The following GRIK2 variants were observed in gnomAD, a reference collection of about 807,000 sequenced individuals.
GRIK2 encodes the protein glutamate ionotropic receptor kainate type subunit 2, also known as glutamate receptor ionotropic, kainate 2.
In GRIK2, 32 loss-of-function variants were observed where a neutral mutation model predicts 100.3. The ratio of observed to expected loss-of-function variants is 0.32; its 90% CI spans 0.24 to 0.43. The LOEUF is 0.43. Among genes scored for constraint, GRIK2 ranks in the 20% least tolerant of loss-of-function variants. GRIK2 has a pLI of 1.00. For synonymous variants in GRIK2, 417 were observed against 389.4 expected (o/e 1.07, Z -0.83); for missense variants, 843 against 1,114.9 (o/e 0.76, Z 3.47).
intron 2 of GRIK2, among the ~76,000 whole-genome samples, chr6:101,574,468 C>T (rs914519885): frequency 1.3e-5 from 2 of 149,890 alleles, no homozygotes; most frequent in Non-Finnish European, 3.0e-5. Context: ...GATTTTAACC[C>T]TTTTTTTTAA....
intron 7 of GRIK2, among the ~76,000 whole-genome samples, chr6:101,795,923 A>G (rs532739004): frequency 3.3e-5 from 5 of 152,208 alleles, no homozygotes; most frequent in Non-Finnish European, 7.3e-5. Flanking sequence ...CCAGTTTTCT[A>G]TAATCTCTAC....
At chr6:102,000,276 CTT>C (rs34370144) in intron 14 of GRIK2, among the ~76,000 whole-genome samples, 236 of 113,510 alleles carry the variant, frequency 2.1e-3, no homozygotes, top group Middle Eastern at 4.5e-3. Flanking sequence ...TTGTTGAAGG[CTT>C]TTTTTTTTTT....
rs79228769 is a variant in GRIK2, at chr6:101,541,272, A to G, written c.116-80677A>G. On this transcript the variant is annotated intron_variant, in intron 2 of 16. Coordinates refer to ENST00000369134, the MANE Select transcript of GRIK2 (RefSeq NM_021956.5). ...TCCAGACCCACCAGAACCAAGGTTC[A>G]GTAAGAATATTGGCTGAGAGTGTTA... Among the ~76,000 whole-genome samples the G allele has an allele frequency of 8.2e-3, 1,242 of 152,072 alleles. 20 individuals are homozygous for G. Among genetic ancestry groups the G allele is most frequent in the African/African-American group, 0.029 (1,189 of 41,472 alleles).
intron 2 of GRIK2, among the ~76,000 whole-genome samples, chr6:101,567,117 C>A (rs1319401362): frequency 6.6e-6 from 1 of 151,698 alleles, no homozygotes; most frequent in Non-Finnish European, 1.5e-5. Context: ...TACCTACAAA[C>A]ATATATTTCA....
intron 2 of GRIK2, among the ~76,000 whole-genome samples, chr6:101,480,800 G>C (rs1772488663): frequency 6.6e-6 from 1 of 152,032 alleles, no homozygotes; most frequent in African/African-American, 2.4e-5. Context: ...CTTTTTGTTG[G>C]TCCTGGAAAT....
intron 10 of GRIK2, among the ~76,000 whole-genome samples, chr6:101,832,158 C>T (rs1782740179): frequency 6.6e-6 from 1 of 151,886 alleles, no homozygotes; most frequent in African/African-American, 2.4e-5. Flanking sequence ...TTTACTTCTG[C>T]ATTTCTTTTT....
At chr6:101,971,524 C>CA (rs1793051736) in intron 14 of GRIK2, among the ~76,000 whole-genome samples, 1 of 151,984 alleles carries the variant, frequency 6.6e-6, no homozygotes, top group Admixed American at 6.6e-5. Context: ...ATTTGTGTCA[C>CA]ATCCTTCAAA....
chr6:101,955,615 T>TCTCTCTCTCC lies in GRIK2; in HGVS notation c.2085+26984_2085+26985insTCTCTCTCCC, dbSNP rs1405718742. On this transcript the variant is annotated intron_variant, in intron 14 of 16. Coordinates refer to ENST00000369134, the MANE Select transcript of GRIK2 (RefSeq NM_021956.5). ...CTCTCTCTCTCTCTCTCTCTCTCTCTCCCCCCCATTTCTTTTACAGTCAGA... is the reference window on the plus strand; with the variant it reads ...CTCTCTCTCTCTCTCTCTCTCTCTCTCTCTCTCTCCCCCCCCCATTTCTTTTACAGTCAGA... 9.2e-4 allele frequency among the ~76,000 whole-genome samples: 86 copies of TCTCTCTCTCC among 93,182 alleles called. 2 individuals carry two copies. Among genetic ancestry groups the TCTCTCTCTCC allele is most frequent in the African/African-American group, 3.4e-3 (82 of 23,884 alleles). 61.1% of individuals were successfully genotyped at this position (93,182 alleles called of 152,430 possible).
chr6:102,058,311 G>A (rs1201182662), intron 16 of GRIK2, among the ~76,000 whole-genome samples: 4 of 151,628 alleles, frequency 2.6e-5, no homozygotes, highest in Non-Finnish European at 4.4e-5. Context: ...GCCTCAATTA[G>A]TGCCTGGTGG....
chr6:101,842,202 G>A (rs73514626), intron 10 of GRIK2, among the ~76,000 whole-genome samples: 12,557 of 152,072 alleles, frequency 0.083, 1,369 homozygotes, highest in African/African-American at 0.26. Context: ...TTTCTAATAT[G>A]TTTTTTAACA....
At chr6:101,740,878 A>G (rs995022864) in intron 7 of GRIK2, among the ~76,000 whole-genome samples, 1 of 152,180 alleles carries the variant, frequency 6.6e-6, no homozygotes, top group African/African-American at 2.4e-5. Flanking sequence ...GAAGCCATTC[A>G]TGAGGGTTCT....
At chr6:101,677,427 A>C (rs533915412) in intron 5 of GRIK2, among the ~76,000 whole-genome samples, 57 of 152,192 alleles carry the variant, frequency 3.7e-4, no homozygotes, top group South Asian at 2.7e-3. Context: ...AACCAACCAA[A>C]CAAACAAACA....
chr6:102,028,207 T>C (rs753428879), intron 14 of GRIK2, among the ~76,000 whole-genome samples: 1 of 151,216 alleles, frequency 6.6e-6, no homozygotes, highest in African/African-American at 2.4e-5. Context: ...ATGCTCTTTT[T>C]AATACACAAA....
chr6:101,400,970 T>C (rs1372213528), intron 2 of GRIK2, among the ~76,000 whole-genome samples: 5 of 152,192 alleles, frequency 3.3e-5, no homozygotes, highest in Non-Finnish European at 7.3e-5. Context: ...CCGTATACCA[T>C]TGGAAATGTG....
chr6:102,007,716 A>G (rs980281057), intron 14 of GRIK2, among the ~76,000 whole-genome samples: 1 of 152,156 alleles, frequency 6.6e-6, no homozygotes, highest in African/African-American at 2.4e-5. Flanking sequence ...TGCCATTTAT[A>G]TAAATACAAA....
At chr6:102,007,059 G>T (rs1795281424) in intron 14 of GRIK2, among the ~76,000 whole-genome samples, 1 of 152,016 alleles carries the variant, frequency 6.6e-6, no homozygotes, top group African/African-American at 2.4e-5. Context: ...TGGGTGTTGT[G>T]CATGATACAA....
At chr6:101,843,697 C>G (rs113369381) in intron 10 of GRIK2, among the ~76,000 whole-genome samples, 36 of 152,162 alleles carry the variant, frequency 2.4e-4, no homozygotes, top group African/African-American at 8.7e-4. Flanking sequence ...TTGTTTTTTG[C>G]TTTGTTTCAT....
intron 2 of GRIK2, chr6:101,431,015 G>C: frequency 3.9e-6 from 1 of 255,974 alleles, no homozygotes; most frequent in Non-Finnish European, 8.4e-6. Context: ...AATACTAGTA[G>C]TACTACCGGA....
In GRIK2 at chr6:101,587,110, T is replaced by C. The variant is rs780839009; in HGVS notation, c.116-34839T>C. ...ATGTATAAAAACTAAGAAATGTAAA[T>C]AAAAATAGGGTTTTAAAAATGAATA... On this transcript the variant is annotated intron_variant, in intron 2 of 16. Coordinates refer to ENST00000369134, the MANE Select transcript of GRIK2 (RefSeq NM_021956.5). Among the ~76,000 whole-genome samples the C allele has an allele frequency of 4.0e-5, 6 of 150,976 alleles. No individual in the cohort carries two copies. The South Asian group carries it at 1.1e-3, about 27-fold the overall frequency.
Sources: gnomAD v4.1 joint callset for allele counts (sites outside exome capture counted in the v4.1 genomes callset) on GRCh38, gnomAD v4.1.1 for gene constraint, MANE v1.5 for transcripts, NCBI Gene and HGNC (gene_info 2026-07-23, HGNC 2026-07-21) for gene names.